Variants in MYO3A observed in about 807,000 individuals in gnomAD.
The protein encoded by MYO3A is myosin-IIIa.
Under a neutral mutation model 192.7 loss-of-function variants are expected in MYO3A, and 180 were observed. The observed-to-expected ratio is 0.93, with a 90% confidence interval of 0.83 to 1.06. MYO3A has a LOEUF of 1.06. MYO3A is among the 50% of genes least tolerant of loss of function. MYO3A has a pLI of 0.00. For synonymous variants in MYO3A, 628 were observed against 645.3 expected, an observed-to-expected ratio of 0.97 and a Z score of 0.41; for missense variants, 1,896 against 1,905.0, an observed-to-expected ratio of 1.00 and a Z score of 0.09.
At chr10:26,180,119 G>A (rs1419168871) in intron 31 of MYO3A, among the ~76,000 whole-genome samples, 1 of 152,160 alleles carries the variant, frequency 6.6e-6, no homozygotes, top group Non-Finnish European at 1.5e-5. Flanking sequence ...ACAAGTGTGA[G>A]CCACCGCGCC....
At chr10:26,109,393 G>A (rs1838019627) in intron 17 of MYO3A, among the ~76,000 whole-genome samples, 1 of 152,194 alleles carries the variant, frequency 6.6e-6, no homozygotes, top group Non-Finnish European at 1.5e-5. Context: ...GTTTTAAATA[G>A]CATGCTGTGC....
intron 4 of MYO3A, among the ~76,000 whole-genome samples, chr10:25,969,205 C>A (rs12247121): frequency 0.095 from 14,509 of 152,200 alleles, 1,230 homozygotes; most frequent in African/African-American, 0.22. Flanking sequence ...TACACTCCAG[C>A]CAGCCTGGGC....
intron 17 of MYO3A, among the ~76,000 whole-genome samples, chr10:26,119,608 T>C (rs1838730522): frequency 6.6e-6 from 1 of 152,124 alleles, no homozygotes; most frequent in Non-Finnish European, 1.5e-5. Context: ...CTTTGTTAAG[T>C]GTAGGAGCTG....
chr10:25,982,059 A>G (rs188894021), intron 4 of MYO3A, among the ~76,000 whole-genome samples: 4 of 152,146 alleles, frequency 2.6e-5, no homozygotes, highest in African/African-American at 9.6e-5. Context: ...GCACGGTGGG[A>G]GTGAGACTGG....
At chr10:26,203,161 ATTTCT>A in intron 34 of MYO3A, 54 bp downstream of exon 34, 1 of 1,554,486 alleles carries the variant, frequency 6.4e-7, no homozygotes, top group Non-Finnish European at 8.9e-7. Flanking sequence ...TCACAATTTC[ATTTCT>A]TAAGATATTT....
chr10:26,176,138 C>G (rs981776393), intron 30 of MYO3A, among the ~76,000 whole-genome samples: 1 of 151,924 alleles, frequency 6.6e-6, no homozygotes, highest in Non-Finnish European at 1.5e-5. Context: ...ACTAAAAATA[C>G]AAAAAATCAG....
chr10:26,038,664 T>G (rs1037089114), intron 10 of MYO3A, among the ~76,000 whole-genome samples: 8 of 152,224 alleles, frequency 5.3e-5, no homozygotes, highest in African/African-American at 1.7e-4. Context: ...CTTTTCAATG[T>G]GGACTCCCTT....
chr10:26,137,161 T>C (rs1208133285), intron 20 of MYO3A, among the ~76,000 whole-genome samples: 1 of 152,248 alleles, frequency 6.6e-6, no homozygotes, highest in Admixed American at 6.5e-5. Context: ...GCAATAAATA[T>C]TCATTTCTGA....
intron 31 of MYO3A, among the ~76,000 whole-genome samples, chr10:26,188,670 G>A (rs950022902): frequency 1.3e-5 from 2 of 152,212 alleles, no homozygotes; most frequent in East Asian, 1.9e-4. Flanking sequence ...AGTATAAGGT[G>A]TAATGAAGGG....
intron 6 of MYO3A, 146 bp downstream of exon 6, chr10:25,997,404 T>A (rs1840523496): frequency 1.4e-6 from 1 of 702,822 alleles, no homozygotes; most frequent in Non-Finnish European, 2.5e-6. Context: ...AGTGCAGAGA[T>A]AATTTGGCAA....
intron 7 of MYO3A, among the ~76,000 whole-genome samples, chr10:26,020,218 C>G (rs1217739721): frequency 6.6e-6 from 1 of 152,178 alleles, no homozygotes; most frequent in Non-Finnish European, 1.5e-5. Context: ...CTTCCTCTAT[C>G]CCAACTCCTT....
intron 2 of MYO3A, among the ~76,000 whole-genome samples, chr10:25,936,755 C>T (rs1186363398): frequency 6.6e-6 from 1 of 152,132 alleles, no homozygotes; most frequent in Non-Finnish European, 1.5e-5. Flanking sequence ...ACCTTAAAAA[C>T]TTTCTAATCT....
intron 31 of MYO3A, among the ~76,000 whole-genome samples, chr10:26,183,878 C>T (rs1195259622): frequency 6.6e-6 from 1 of 152,082 alleles, no homozygotes; most frequent in Non-Finnish European, 1.5e-5. Flanking sequence ...CAAATAAACT[C>T]AAGAGAACAG....
At chr10:25,934,979 G>A (rs1024558233) in intron 1 of MYO3A, among the ~76,000 whole-genome samples, 4 of 152,072 alleles carry the variant, frequency 2.6e-5, no homozygotes, top group African/African-American at 9.7e-5. Flanking sequence ...AGACTGGAGG[G>A]AGGAGGCGCC....
chr10:26,177,176 G>T (rs150606105), intron 31 of MYO3A, among the ~76,000 whole-genome samples: 225 of 152,198 alleles, frequency 1.5e-3, no homozygotes, highest in African/African-American at 5.1e-3. Flanking sequence ...CGCAAAAATA[G>T]AAATAGAAAT....
rs527836527 is a variant in MYO3A, at chr10:25,941,717, T to G, written c.-18+5887T>G. On this transcript the variant is annotated intron_variant, in intron 2 of 34. Transcript: ENST00000642920. ...CTTTAACACCATCCATCTCCAGAAA[T>G]TTTTTATTTTCCCAAACTGAAACTC... Among the ~76,000 whole-genome samples the G allele has an allele frequency of 2.6e-5, 4 of 152,286 alleles. No individual in the cohort carries two copies. The East Asian group carries it at 7.7e-4, about 29-fold the overall frequency.
At chr10:26,120,117 T>G (rs376143919) in intron 17 of MYO3A, among the ~76,000 whole-genome samples, 31 of 152,046 alleles carry the variant, frequency 2.0e-4, no homozygotes, top group African/African-American at 7.5e-4. Flanking sequence ...TGAGCTGAGA[T>G]AGTGCCACTG....
At chr10:25,968,422 G>A (rs535310459) in intron 4 of MYO3A, among the ~76,000 whole-genome samples, 2 of 152,318 alleles carry the variant, frequency 1.3e-5, no homozygotes, top group South Asian at 2.1e-4. Flanking sequence ...TTTTTAGGCT[G>A]AAGGAAAATG....
chr10:26,199,605 A>T (rs554140730), intron 32 of MYO3A, among the ~76,000 whole-genome samples: 10 of 152,262 alleles, frequency 6.6e-5, no homozygotes, highest in African/African-American at 2.4e-4. Context: ...ATTCTAACAC[A>T]GGCAAGAGTG....
Sources: allele counts gnomAD v4.1 joint callset (sites outside exome capture counted in the v4.1 genomes callset), GRCh38; gene constraint gnomAD v4.1.1; transcripts MANE v1.5; gene names NCBI Gene and HGNC (gene_info 2026-07-23, HGNC 2026-07-21).